Variants in BTBD16 observed in about 807,000 individuals in gnomAD.
The protein encoded by BTBD16 is BTB domain containing 16.
BTBD16 carries 66 observed loss-of-function variants against 67.4 expected under a neutral mutation model. The observed-to-expected ratio is 0.98, with a 90% CI of 0.80 to 1.20. BTBD16 has a LOEUF of 1.20. BTBD16 is among the 50% of genes most tolerant of loss of function. BTBD16 has a pLI of 0.00. For missense variants in BTBD16, 634 were observed against 616.0 expected (o/e 1.03, Z -0.31); for synonymous variants, 242 against 236.4 (o/e 1.02, Z -0.22).
chr10:122,314,577 T>A (rs964621752), intron 10 of BTBD16, among the ~76,000 whole-genome samples: 1 of 152,236 alleles, frequency 6.6e-6, no homozygotes, highest in Non-Finnish European at 1.5e-5. Context: ...GTCTTGCTCA[T>A]CTTCCGTTGT....
chr10:122,285,142 C>G (rs1028632), intron 4 of BTBD16, among the ~76,000 whole-genome samples: 69,632 of 151,930 alleles, frequency 0.46, 17,239 homozygotes, highest in East Asian at 0.89. Context: ...TCAAGAAATA[C>G]GTAGATGGGG....
chr10:122,320,858 T>C (rs1170188031), intron 10 of BTBD16, among the ~76,000 whole-genome samples: 1 of 152,162 alleles, frequency 6.6e-6, no homozygotes, highest in Non-Finnish European at 1.5e-5. Flanking sequence ...TTTTTAAAAA[T>C]TTCAACTTTT....
In BTBD16 at chr10:122,329,374, G is replaced by A. The variant is rs1590097559; in HGVS notation, c.912-106G>A. On this transcript the variant is annotated intron_variant, in intron 10 of 15. Coordinates refer to ENST00000260723, the MANE Select transcript of BTBD16 (RefSeq NM_144587.5). The stretch of plus-strand genomic sequence containing the variant: ...AGGGACCGAGGCCCCATCTCCCCCT[G>A]GCTAGTGAAGCCACTAGTCTCTACA... The A allele has an allele frequency of 2.5e-5, 26 of 1,039,794 alleles. No homozygotes were observed. The East Asian group carries it at 6.1e-4, about 24-fold the overall frequency. 64.4% of individuals were successfully genotyped at this position (1,039,794 alleles called of 1,614,324 possible).
intron 3 of BTBD16, 50 bp downstream of exon 3, chr10:122,276,989 AG>A: frequency 6.3e-7 from 1 of 1,585,738 alleles, no homozygotes; most frequent in Non-Finnish European, 8.6e-7. Context: ...TATTCCTGGG[AG>A]GGGAGGTGCC....
chr10:122,295,234 G>A (rs561630284), intron 7 of BTBD16: 1 of 877,870 alleles, frequency 1.1e-6, no homozygotes, highest in South Asian at 5.2e-5. Context: ...AGTATGTGGG[G>A]AGGAGCAATC....
chr10:122,300,294 TA>T (rs2096391476), intron 9 of BTBD16, among the ~76,000 whole-genome samples: 1 of 152,012 alleles, frequency 6.6e-6, no homozygotes, highest in African/African-American at 2.4e-5. Context: ...ATATATACAA[TA>T]TATAATGCAT....
In BTBD16 at chr10:122,298,403, A is replaced by C. The variant is rs753368391; in HGVS notation, c.660+566A>C. On this transcript the variant is annotated intron_variant, in intron 8 of 15. Transcript: ENST00000260723. ...TCGCCCCACTGGTAATTCCAAGGCC[A>C]CTTGTGGTGGAAACTGCATCCTGGT... 1.1e-4 allele frequency among the ~76,000 whole-genome samples: 16 copies of C among 152,142 alleles called. 1 individual carries two copies. Among genetic ancestry groups the C allele is most frequent in the Non-Finnish European group, 2.2e-4 (15 of 68,016 alleles).
intron 3 of BTBD16, among the ~76,000 whole-genome samples, chr10:122,282,484 T>A (rs889585261): frequency 6.6e-6 from 1 of 152,050 alleles, no homozygotes; most frequent in Non-Finnish European, 1.5e-5. Flanking sequence ...ACCCATGGGG[T>A]CTCCTGGGAT....
chr10:122,336,042 C>G (rs1241221018), intron 14 of BTBD16, among the ~76,000 whole-genome samples: 4 of 152,014 alleles, frequency 2.6e-5, no homozygotes, highest in African/African-American at 9.7e-5. Flanking sequence ...GAGTTTTAGT[C>G]CCAGATTTTC....
Position 122,291,118 on chromosome 10 carries a change from G to C in BTBD16, c.514G>C (p.Val172Leu), listed in dbSNP as rs2096373200. ...CCTGAAGAACCTCTACATGAGTGAG[G>C]TGGAGATTAACTTGGAAGACCTACT... is the stretch of plus-strand genomic sequence containing the variant. ...TALKNLYMSE[V>L]EINLEDLLGV... The change falls in exon 7 of 16, where the codon GTG (valine) becomes CTG (leucine). Residue 172 changes from valine to leucine, a missense_variant. Physicochemically the swap from Val to Leu is conservative, Grantham distance 32. Transcript: ENST00000260723. 4 of 1,613,724 alleles carry C rather than the reference G, an allele frequency of 2.5e-6. No homozygotes were observed. Among genetic ancestry groups the C allele is most frequent in the Non-Finnish European group, 3.4e-6 (4 of 1,179,852 alleles).
chr10:122,318,172 T>G (rs1244046926), intron 10 of BTBD16, among the ~76,000 whole-genome samples: 2 of 152,164 alleles, frequency 1.3e-5, no homozygotes, highest in African/African-American at 4.8e-5. Flanking sequence ...TGTGGTCTGT[T>G]GTAGACTGAA....
At chr10:122,313,200 A>C (rs2096417282) in intron 10 of BTBD16, among the ~76,000 whole-genome samples, 1 of 150,544 alleles carries the variant, frequency 6.6e-6, no homozygotes, top group Non-Finnish European at 1.5e-5. Context: ...TTGATGAACA[A>C]AATTTTAAAT....
Position 122,329,562 on chromosome 10 carries a change from A to C in BTBD16, c.994A>C (p.Ile332Leu), listed in dbSNP as rs774318612. 9 of 1,613,604 alleles carry C rather than the reference A, an allele frequency of 5.6e-6. No individual in the cohort carries two copies. Among genetic ancestry groups the C allele is most frequent in the Non-Finnish European group, 7.6e-6 (9 of 1,179,998 alleles). Residue 332 changes from isoleucine to leucine, a missense_variant, in exon 11 of 16, where the codon ATC (isoleucine) becomes CTC (leucine). Physicochemically the swap from Ile to Leu is conservative, Grantham distance 5. Transcript: ENST00000260723. The stretch of plus-strand genomic sequence containing the variant: ...CTTCCTCTGCTTGCGTCTGCACGGC[A>C]TCACCAAAGGTAAGCCCCAGTCCAG... ...PLFLCLRLHG[I>L]TKGKDLEVLR...
chr10:122,296,691 C>T (rs1021291262), intron 7 of BTBD16, among the ~76,000 whole-genome samples: 13 of 152,196 alleles, frequency 8.5e-5, no homozygotes, highest in African/African-American at 3.1e-4. Context: ...TCGGCTCATG[C>T]CCTCCTTGGA....
Position 122,286,220 on chromosome 10 carries a change from C to G in BTBD16, c.357C>G (p.Pro119=), listed in dbSNP as rs201413524. ...LKALAQGTTH[P]LRELEELLRA... is the part of the protein sequence containing the mutation. ...CCCTGGCGCAGGGCACCACACACCCCCTGAGGGAGCTGGAGGAGCTTCTGC... is the reference window on the plus strand; with the variant it reads ...CCCTGGCGCAGGGCACCACACACCCGCTGAGGGAGCTGGAGGAGCTTCTGC... Residue 119 remains proline (P), a synonymous_variant, in exon 5 of 16, where the codon CCC becomes CCG. Coordinates refer to ENST00000260723, the MANE Select transcript of BTBD16 (RefSeq NM_144587.5). The G allele has an allele frequency of 6.2e-6, 10 of 1,611,548 alleles. No homozygotes were observed. The East Asian group carries it at 1.6e-4, about 25-fold the overall frequency.
chr10:122,318,308 C>T (rs1422737047), intron 10 of BTBD16, among the ~76,000 whole-genome samples: 1 of 152,112 alleles, frequency 6.6e-6, no homozygotes, highest in Admixed American at 6.5e-5. Flanking sequence ...CATGTTGTTG[C>T]ATGTATCAGT....
intron 9 of BTBD16, among the ~76,000 whole-genome samples, chr10:122,305,710 A>T (rs1221312646): frequency 6.6e-6 from 1 of 152,140 alleles, no homozygotes; most frequent in African/African-American, 2.4e-5. Context: ...ACAACCCTAT[A>T]CATAGTTTTT....
intron 1 of BTBD16, among the ~76,000 whole-genome samples, chr10:122,274,522 G>A (rs1377555178): frequency 6.6e-6 from 1 of 152,054 alleles, no homozygotes; most frequent in Non-Finnish European, 1.5e-5. Context: ...AATCAAATGG[G>A]TTTCTGTTGC....
At chr10:122,280,247 C>T (rs2096349947) in intron 3 of BTBD16, among the ~76,000 whole-genome samples, 2 of 152,354 alleles carry the variant, frequency 1.3e-5, no homozygotes, top group Admixed American at 1.3e-4. Context: ...AGAAAAGTGT[C>T]TGGCACATAT....
Sources: allele counts gnomAD v4.1 joint callset (sites outside exome capture counted in the v4.1 genomes callset), GRCh38; gene constraint gnomAD v4.1.1; transcripts MANE v1.5; gene names NCBI Gene and HGNC (gene_info 2026-07-23, HGNC 2026-07-21).